The following ANKRD55 variants were observed in gnomAD, a reference collection of about 807,000 sequenced individuals.
ANKRD55 encodes the protein ankyrin repeat domain 55, also known as ankyrin repeat domain-containing protein 55.
ANKRD55 carries 41 observed loss-of-function variants against 60.6 expected under a neutral mutation model. The observed-to-expected ratio is 0.68, with a 90% CI of 0.53 to 0.88. ANKRD55 has a LOEUF of 0.88. Ranked by LOEUF, ANKRD55 falls within the 40% of genes least tolerant of loss-of-function variation. The pLI, the probability that ANKRD55 is intolerant of heterozygous loss-of-function variation, is 0.00. For synonymous variants in ANKRD55, 264 were observed against 290.3 expected (o/e 0.91, Z 0.92); for missense variants, 732 against 767.6 (o/e 0.95, Z 0.55).
Position 56,194,852 on chromosome 5 carries a change from ATTATT to A in ANKRD55, c.59-11223_59-11219del, listed in dbSNP as rs1266755293. On this transcript the variant is annotated intron_variant, in intron 2 of 11. Transcript: ENST00000341048. ...AATTACTAAGTGACATTTTAAATTG[ATTATT>A]TTAAACTCTTTCTAACTACATAGTT... is the stretch of plus-strand genomic sequence containing the variant. 3.3e-5 allele frequency among the ~76,000 whole-genome samples: 5 copies of A among 152,312 alleles called. No individual in the cohort carries two copies. The East Asian group carries it at 9.6e-4, about 29-fold the overall frequency.
At chr5:56,184,438 G>T (rs115948787) in intron 2 of ANKRD55, among the ~76,000 whole-genome samples, 4,775 of 152,216 alleles carry the variant, frequency 0.031, 266 homozygotes, top group African/African-American at 0.11. Flanking sequence ...TCAGCCCTGC[G>T]TCATCTCTGC....
At chr5:56,173,435 T>G (rs1466127807) in intron 4 of ANKRD55, among the ~76,000 whole-genome samples, 1 of 151,528 alleles carries the variant, frequency 6.6e-6, no homozygotes, top group Admixed American at 6.6e-5. Flanking sequence ...TGACCTCAGG[T>G]GATCCACCTG....
At chr5:56,161,300 A>T (rs159545) in intron 5 of ANKRD55, among the ~76,000 whole-genome samples, 142,827 of 152,304 alleles carry the variant, frequency 0.94, 67,117 homozygotes, top group African/African-American at 0.97. Flanking sequence ...AGGTGCTGAA[A>T]GAATTAATCA....
intron 5 of ANKRD55, among the ~76,000 whole-genome samples, chr5:56,169,660 A>C (rs1758561905): frequency 6.6e-6 from 1 of 152,224 alleles, no homozygotes; most frequent in African/African-American, 2.4e-5. Context: ...AAGAGATTGA[A>C]GTAAAGAAAT....
intron 8 of ANKRD55, among the ~76,000 whole-genome samples, chr5:56,123,034 G>C (rs1757122832): frequency 6.6e-6 from 1 of 152,090 alleles, no homozygotes; most frequent in African/African-American, 2.4e-5. Flanking sequence ...CCAAAGTGCT[G>C]GGATTACAGG....
intron 6 of ANKRD55, among the ~76,000 whole-genome samples, chr5:56,150,083 G>A (rs1450506664): frequency 4.6e-5 from 7 of 152,036 alleles, no homozygotes; most frequent in African/African-American, 9.7e-5. Context: ...CTCATGATCC[G>A]CCTGCCTTGG....
chr5:56,176,219 T>C lies in ANKRD55; in HGVS notation c.245A>G (p.Lys82Arg). The C allele has an allele frequency of 6.2e-7, 1 of 1,614,250 alleles. No homozygotes were observed. Among genetic ancestry groups the C allele is most frequent in the Non-Finnish European group, 8.5e-7 (1 of 1,180,046 alleles). Residue 82 changes from lysine to arginine, a missense_variant, in exon 4 of 12, where the codon AAG becomes AGG. Lys to Arg is a conservative substitution (Grantham distance 26, BLOSUM62 2). Around this residue, in one of 3 missense-constraint regions of ANKRD55, gnomAD observed 131 missense variants for 142.7 expected, o/e 0.92. Transcript: ENST00000341048. ...RQADTVKLLL[K>R]MGANINMQDA... Reference sequence around the variant, plus strand: ...CTGCATGTTAATATTGGCTCCCATCTTCAACAGCAGCTTCACTGTGTCCGC... The same window carrying C: ...CTGCATGTTAATATTGGCTCCCATCCTCAACAGCAGCTTCACTGTGTCCGC...
chr5:56,218,094 A>G (rs1759867760), intron 2 of ANKRD55, among the ~76,000 whole-genome samples: 1 of 152,210 alleles, frequency 6.6e-6, no homozygotes, highest in Non-Finnish European at 1.5e-5. Flanking sequence ...TCTCATGATA[A>G]ACCTTGAATG....
chr5:56,123,803 A>T (rs966343218), intron 8 of ANKRD55, among the ~76,000 whole-genome samples: 1 of 152,154 alleles, frequency 6.6e-6, no homozygotes, highest in Admixed American at 6.5e-5. Context: ...TCTCTAATAT[A>T]CTCATGTCCT....
intron 2 of ANKRD55, among the ~76,000 whole-genome samples, chr5:56,202,808 CG>C (rs1759411138): frequency 6.6e-6 from 1 of 152,010 alleles, no homozygotes. Context: ...TGTGCTCTTG[CG>C]GGGGTAGGTT....
intron 3 of ANKRD55, among the ~76,000 whole-genome samples, chr5:56,177,268 C>T (rs1451028798): frequency 6.6e-6 from 1 of 152,056 alleles, no homozygotes; most frequent in Non-Finnish European, 1.5e-5. Flanking sequence ...TTTTTTCCTT[C>T]TGAAACTCTT....
chr5:56,227,203 C>T (rs950401585), intron 2 of ANKRD55, among the ~76,000 whole-genome samples: 1 of 151,972 alleles, frequency 6.6e-6, no homozygotes, highest in Non-Finnish European at 1.5e-5. Context: ...ATGGATGAAG[C>T]TGGAAGCCAT....
chr5:56,198,854 C>T (rs1455178806), intron 2 of ANKRD55, among the ~76,000 whole-genome samples: 8 of 151,748 alleles, frequency 5.3e-5, no homozygotes, highest in Non-Finnish European at 8.8e-5. Context: ...CCGAGGCAGG[C>T]GGATCACGAG....
At chr5:56,121,213 TG>T (rs1757042692) in intron 8 of ANKRD55, among the ~76,000 whole-genome samples, 1 of 152,040 alleles carries the variant, frequency 6.6e-6, no homozygotes, top group South Asian at 2.1e-4. Flanking sequence ...ATAAGGCAAG[TG>T]GGGTGGGGGG....
chr5:56,170,570 CAA>C (rs3047043), intron 5 of ANKRD55, 122 bp downstream of exon 5: 2,974 of 600,950 alleles, frequency 4.9e-3, no homozygotes, highest in South Asian at 0.01. Flanking sequence ...GCTGCAACTT[CAA>C]AAAAAAAAAA....
chr5:56,221,119 C>T (rs531017735), intron 2 of ANKRD55, among the ~76,000 whole-genome samples: 1 of 152,332 alleles, frequency 6.6e-6, no homozygotes, highest in East Asian at 1.9e-4. Context: ...ATCTCTGAGC[C>T]TGAACTCAGC....
chr5:56,126,156 AAAATAAAATAAAATAATTAC>A (rs1376821004), intron 8 of ANKRD55, among the ~76,000 whole-genome samples: 1 of 152,138 alleles, frequency 6.6e-6, no homozygotes, highest in East Asian at 1.9e-4. Flanking sequence ...AAAATAAAAT[AAAATAAAATAAAATAATTAC>A]AAGTAAGGGG....
intron 8 of ANKRD55, among the ~76,000 whole-genome samples, chr5:56,117,908 T>C (rs921607058): frequency 6.6e-6 from 1 of 152,040 alleles, no homozygotes; most frequent in African/African-American, 2.4e-5. Flanking sequence ...TTTGGGAGGT[T>C]GAGGCAGATG....
At chr5:56,151,392 A>G (rs1353087270) in intron 6 of ANKRD55, among the ~76,000 whole-genome samples, 3 of 152,206 alleles carry the variant, frequency 2.0e-5, no homozygotes, top group Non-Finnish European at 4.4e-5. Flanking sequence ...CCTGGAGTCA[A>G]GTCTGGGAAA....
Sources: allele counts gnomAD v4.1 joint callset (sites outside exome capture counted in the v4.1 genomes callset), GRCh38; gene constraint gnomAD v4.1.1; regional missense constraint gnomAD v4.1.1; transcripts MANE v1.5; gene names NCBI Gene and HGNC (gene_info 2026-07-23, HGNC 2026-07-21).